The following CPXM2 variants were observed in gnomAD, a reference collection of about 807,000 sequenced individuals.
The protein encoded by CPXM2 is carboxypeptidase X, M14 family member 2.
A neutral mutation model predicts 86.1 loss-of-function variants in CPXM2; 66 were observed. The ratio of observed to expected loss-of-function variants is 0.77; its 90% CI spans 0.63 to 0.94. The LOEUF is 0.94. Among genes scored for constraint, CPXM2 ranks in the 40% least tolerant of loss-of-function variants. The pLI, the probability that CPXM2 is intolerant of heterozygous loss-of-function variation, is 0.00. For synonymous variants in CPXM2, 388 were observed against 400.2 expected, an observed-to-expected ratio of 0.97 and a Z score of 0.36; for missense variants, 948 against 1,026.3, an observed-to-expected ratio of 0.92 and a Z score of 1.04.
intron 4 of CPXM2, among the ~76,000 whole-genome samples, chr10:123,831,687 A>G (rs1046562878): frequency 2.3e-4 from 35 of 151,882 alleles, no homozygotes; most frequent in African/African-American, 8.0e-4. Context: ...CTCCTCCTCC[A>G]TCTTCAAAGC....
chr10:123,849,615 G>A (rs544836887), intron 3 of CPXM2, among the ~76,000 whole-genome samples: 1 of 152,080 alleles, frequency 6.6e-6, no homozygotes, highest in African/African-American at 2.4e-5. Context: ...GGTTTACCAT[G>A]TTGGTCAGGC....
intron 3 of CPXM2, among the ~76,000 whole-genome samples, chr10:123,862,059 A>G (rs1848860748): frequency 1.3e-5 from 2 of 152,172 alleles, no homozygotes; most frequent in African/African-American, 4.8e-5. Context: ...ACAGAGAGGG[A>G]GGCCTGACAG....
intron 4 of CPXM2, among the ~76,000 whole-genome samples, chr10:123,802,853 G>A (rs11248283): frequency 0.092 from 14,024 of 152,032 alleles, 721 homozygotes; most frequent in African/African-American, 0.15. Context: ...CATTCTTGAT[G>A]GATGTATCCT....
chr10:123,752,572 A>T, intron 13 of CPXM2: 2 of 985,346 alleles, frequency 2.0e-6, no homozygotes, highest in Non-Finnish European at 2.4e-6. Context: ...CCTCATCCTA[A>T]TGTCCCAAAG....
chr10:123,882,805 G>A (rs1945114333), intron 1 of CPXM2, among the ~76,000 whole-genome samples: 1 of 129,702 alleles, frequency 7.7e-6, no homozygotes, highest in African/African-American at 3.0e-5. Context: ...TAACACCATG[G>A]CCTGAAAAAC....
At chr10:123,882,544 AG>A (rs1945109488) in intron 1 of CPXM2, among the ~76,000 whole-genome samples, 1 of 152,254 alleles carries the variant, frequency 6.6e-6, no homozygotes, top group East Asian at 1.9e-4. Context: ...AGAAAAGGAA[AG>A]AAAAAAATTT....
intron 2 of CPXM2, among the ~76,000 whole-genome samples, chr10:123,909,306 C>T (rs184586257): frequency 5.9e-5 from 9 of 152,356 alleles, no homozygotes; most frequent in African/African-American, 2.2e-4. Context: ...TCGCCCTCAG[C>T]AAGTCCACCT....
intron 1 of CPXM2, among the ~76,000 whole-genome samples, chr10:123,884,593 C>T (rs550353879): frequency 8.5e-5 from 13 of 152,132 alleles, no homozygotes; most frequent in Non-Finnish European, 1.5e-4. Context: ...ATGACCTTGA[C>T]GGGAGCCCGG....
chr10:123,918,630 A>G (rs1316225078), intron 2 of CPXM2, among the ~76,000 whole-genome samples: 1 of 152,178 alleles, frequency 6.6e-6, no homozygotes. Context: ...CAGCTCTTGC[A>G]GTGCACAGCT....
chr10:123,750,722 C>T (rs1846053168), intron 13 of CPXM2: 1 of 985,264 alleles, frequency 1.0e-6, no homozygotes, highest in African/African-American at 1.7e-5. Flanking sequence ...AGAATGAATA[C>T]AACGATCAGG....
chr10:123,843,284 G>A (rs889032472), intron 3 of CPXM2: 1 of 455,602 alleles, frequency 2.2e-6, no homozygotes, highest in South Asian at 1.6e-5. Context: ...TTCCAAGATA[G>A]GTAAAGTTTT....
chr10:123,928,472 T>A (rs1180819327), intron 2 of CPXM2, among the ~76,000 whole-genome samples: 1 of 152,246 alleles, frequency 6.6e-6, no homozygotes, highest in East Asian at 1.9e-4. Context: ...GCCTTGACAC[T>A]GCTCTATCAA....
At chr10:123,905,182 A>G (rs1945427254) in intron 2 of CPXM2, among the ~76,000 whole-genome samples, 2 of 152,248 alleles carry the variant, frequency 1.3e-5, no homozygotes, top group African/African-American at 4.8e-5. Context: ...TGGGCCTTTC[A>G]GCAAGGAAAA....
At chr10:123,882,716 G>A (rs1464554324) in intron 1 of CPXM2, among the ~76,000 whole-genome samples, 1 of 152,010 alleles carries the variant, frequency 6.6e-6, no homozygotes, top group African/African-American at 2.4e-5. Flanking sequence ...CGGTCCCCCA[G>A]CACTATGGCC....
intron 4 of CPXM2, among the ~76,000 whole-genome samples, chr10:123,812,449 T>C (rs543055861): frequency 1.2e-4 from 19 of 152,196 alleles, no homozygotes; most frequent in South Asian, 2.1e-4. Context: ...GATTAATTGG[T>C]CCCCGATAAG....
intron 4 of CPXM2, among the ~76,000 whole-genome samples, chr10:123,827,698 A>G (rs768672104): frequency 4.6e-5 from 7 of 152,234 alleles, no homozygotes; most frequent in Non-Finnish European, 8.8e-5. Context: ...ATGTTTTTGT[A>G]GCTATAAACA....
intron 5 of CPXM2, among the ~76,000 whole-genome samples, 165 bp downstream of exon 5, chr10:123,798,950 G>A (rs1316341789): frequency 6.6e-6 from 1 of 152,232 alleles, no homozygotes; most frequent in African/African-American, 2.4e-5. Context: ...ACTTGCTGCT[G>A]GGCTTCAGGG....
chr10:123,758,229 A>G (rs559682287), intron 11 of CPXM2, among the ~76,000 whole-genome samples: 9 of 152,332 alleles, frequency 5.9e-5, no homozygotes, highest in African/African-American at 2.2e-4. Flanking sequence ...TGGTTGACTT[A>G]AAGCAACAGA....
chr10:123,791,676 T>C (rs567449799), intron 6 of CPXM2, among the ~76,000 whole-genome samples: 2 of 152,348 alleles, frequency 1.3e-5, no homozygotes, highest in African/African-American at 4.8e-5. Context: ...TCCTCTTGAT[T>C]GATAACATTT....
Sources: allele counts gnomAD v4.1 joint callset (sites outside exome capture counted in the v4.1 genomes callset), GRCh38; gene constraint gnomAD v4.1.1; transcripts MANE v1.5; gene names NCBI Gene and HGNC (gene_info 2026-07-23, HGNC 2026-07-21).